The following LRP1 variants were observed in gnomAD, a reference collection of about 807,000 sequenced individuals.
LRP1 encodes the protein LDL receptor related protein 1.
A neutral mutation model predicts 541.5 loss-of-function variants in LRP1; 51 were observed. The ratio of observed to expected loss-of-function variants is 0.09; its 90% CI spans 0.08 to 0.12. The LOEUF (loss-of-function observed/expected upper bound fraction) is 0.12. Ranked by LOEUF, LRP1 falls within the 10% of genes least tolerant of loss-of-function variation. LRP1 has a pLI of 1.00. For synonymous variants in LRP1, 2,219 were observed against 2,470.8 expected (o/e 0.90, Z 3.02); for missense variants, 3,878 against 6,376.2 (o/e 0.61, Z 13.34).
At chr12:57,166,809 A>T in intron 17 of LRP1, 121 bp from the exon 18 acceptor site, 1 of 687,502 alleles carries the variant, frequency 1.5e-6, no homozygotes, top group Non-Finnish European at 2.6e-6. Flanking sequence ...TGAATTCTCT[A>T]AGAGAAATGG....
chr12:57,149,684 G>A (rs1301366186), intron 6 of LRP1: 1 of 734,024 alleles, frequency 1.4e-6, no homozygotes, highest in South Asian at 1.4e-5. Context: ...TCACAGGCAG[G>A]AGCAGGAAGA....
chr12:57,206,742 G>A lies in LRP1; in HGVS notation c.11859+1G>A, dbSNP rs1342778687. 1 of 1,610,678 alleles carries A rather than the reference G, an allele frequency of 6.2e-7. No individual in the cohort carries two copies. Among genetic ancestry groups the A allele is most frequent in the Non-Finnish European group, 8.5e-7 (1 of 1,179,724 alleles). ...TGACCGGGGTGTCACCCACCTCAAC[G>A]TGAGTGCCCAACCTGGCGTGGATGG... On this transcript the variant is annotated splice_donor_variant, in intron 76 of 88. Coordinates refer to ENST00000243077, the MANE Select transcript of LRP1 (RefSeq NM_002332.3). LOFTEE classifies it high-confidence loss of function. This position sits in a 1 kb window ranked among gnomAD's most constrained non-coding sequence, Gnocchi z 4.7.
At chr12:57,191,602 A>G (rs1020296958) in intron 44 of LRP1, 90 bp downstream of exon 44, 94 of 1,173,838 alleles carry the variant, frequency 8.0e-5, no homozygotes, top group Non-Finnish European at 1.1e-4. Context: ...CGCACATACC[A>G]CACGCACCCT....
intron 43 of LRP1, 104 bp downstream of exon 43, chr12:57,191,113 T>A: frequency 7.8e-7 from 1 of 1,289,524 alleles, no homozygotes; most frequent in South Asian, 1.3e-5. Flanking sequence ...TGGGAACAGC[T>A]GGGAGGAGGT....
Position 57,154,929 on chromosome 12 carries a change from T to C in LRP1, c.1227+228T>C, listed in dbSNP as rs2035591990. ...TTTTAGAAACACCACTTCTGTTTAC[T>C]TCCTGTTTCTCATTTGACCCTTATA... On this transcript the variant is annotated intron_variant, in intron 8 of 88. Coordinates refer to ENST00000243077, the MANE Select transcript of LRP1 (RefSeq NM_002332.3). This position sits in a 1 kb window ranked among gnomAD's most constrained non-coding sequence, Gnocchi z 4.6. The C allele has an allele frequency of 3.3e-5, 20 of 604,528 alleles. No individual in the cohort carries two copies. In the South Asian group the frequency reaches 3.9e-4, roughly 12 times the overall value. The allele number at this position is 604,528 out of a possible 1,614,324, so 37.4% of individuals were successfully genotyped here.
At chr12:57,191,883 C>A (rs1265281783) in intron 44 of LRP1, among the ~76,000 whole-genome samples, 1 of 9,378 alleles carries the variant, frequency 1.1e-4, no homozygotes, top group East Asian at 2.7e-3. Context: ...ATACCACACA[C>A]ACCCCACACA....
Position 57,196,080 on chromosome 12 carries a change from T to G in LRP1, c.8702-7T>G. On this transcript the variant is annotated splice_polypyrimidine_tract_variant and splice_region_variant and intron_variant, in intron 54 of 88. Coordinates refer to ENST00000243077, the MANE Select transcript of LRP1 (RefSeq NM_002332.3). ...CCCGCTGACCTGCCGCCTCCGCCCC[T>G]CCGCAGAGCACAAGTGCAATGCCTC... 1 of 1,609,078 alleles carries G rather than the reference T, an allele frequency of 6.2e-7. No homozygotes were observed. Among genetic ancestry groups the G allele is most frequent in the South Asian group, 1.1e-5 (1 of 90,890 alleles).
rs755987592 is a variant in LRP1, at chr12:57,162,492, G to A, written c.2378G>A (p.Arg793Gln). ...GAGCGGCCCCCCATCTTTGAGATCC[G>A]AATGTATGATGCCCAGCAGCAGCAA... ...RSERPPIFEI[R>Q]MYDAQQQQVG... is the part of the protein sequence containing the mutation. The change falls in exon 14 of 89, where the codon CGA becomes CAA. Residue 793 changes from arginine to glutamine, a missense_variant. Physicochemically the swap from Arg to Gln is conservative, Grantham distance 43. Coordinates refer to ENST00000243077, the MANE Select transcript of LRP1 (RefSeq NM_002332.3). The surrounding 1 kb of genome is among the most constrained non-coding windows in gnomAD (Gnocchi z 5.2). 14 of 1,613,872 alleles carry A rather than the reference G, an allele frequency of 8.7e-6. No homozygotes were observed. The African/African-American group carries it at 1.1e-4, about 12-fold the overall frequency.
chr12:57,180,859 G>A lies in LRP1; in HGVS notation c.5527+52G>A, dbSNP rs148210020. On this transcript the variant is annotated intron_variant, in intron 33 of 88. Transcript: ENST00000243077. Reference sequence around the variant, plus strand: ...GGGGCTCAGGGGCAACAGGGGAGCCGTCCAGAGCTGCAGGCTGCAGGGCCA... The same window carrying A: ...GGGGCTCAGGGGCAACAGGGGAGCCATCCAGAGCTGCAGGCTGCAGGGCCA... 493 of 1,604,692 alleles carry A rather than the reference G, an allele frequency of 3.1e-4. 5 individuals carry two copies. The East Asian group carries it at 9.3e-3, about 30-fold the overall frequency.
rs548361641 is a variant in LRP1, at chr12:57,134,344, C to T, written c.68-4115C>T. 4.0e-4 allele frequency among the ~76,000 whole-genome samples: 61 copies of T among 152,314 alleles called. No individual in the cohort carries two copies. The South Asian group carries it at 0.013, about 32-fold the overall frequency. ...CTCTCTGTCTCCCCTATGCCCTTCC[C>T]TCCTCTCTGAGGAGCCCTGAAGGCC... On this transcript the variant is annotated intron_variant, in intron 1 of 88. Coordinates refer to ENST00000243077, the MANE Select transcript of LRP1 (RefSeq NM_002332.3).
chr12:57,194,137 T>A, intron 48 of LRP1, 125 bp downstream of exon 48: 1 of 1,026,966 alleles, frequency 9.7e-7, no homozygotes, highest in Non-Finnish European at 1.4e-6. Flanking sequence ...GCTGACAGCC[T>A]CCATCTCCCT....
chr12:57,187,820 A>C (rs1163184809), intron 42 of LRP1, among the ~76,000 whole-genome samples: 1 of 152,198 alleles, frequency 6.6e-6, no homozygotes, highest in African/African-American at 2.4e-5. Flanking sequence ...TTCGTACAGA[A>C]GCCTAAGGCT....
chr12:57,158,014 G>A lies in LRP1; in HGVS notation c.1562-388G>A, dbSNP rs929089219. Among the ~76,000 whole-genome samples the A allele has an allele frequency of 1.3e-5, 2 of 152,224 alleles. No homozygotes were observed. The highest frequency in any genetic ancestry group is 1.9e-4 in the East Asian group (1 of 5,206). ...TAGGGAAGTAGCCAGAAGACTTTCA[G>A]TGTAGTGGGCAAGAAGTGATGTGGT... On this transcript the variant is annotated intron_variant, in intron 10 of 88. Transcript: ENST00000243077. The surrounding 1 kb of genome is among the most constrained non-coding windows in gnomAD (Gnocchi z 5.3).
chr12:57,166,438 C>G (rs2035841699), intron 17 of LRP1: 3 of 510,096 alleles, frequency 5.9e-6, no homozygotes, highest in African/African-American at 3.9e-5. Flanking sequence ...GCGTGCACCT[C>G]TAGTCCCAGC....
At chr12:57,160,187 CAT>C (rs1565725318) in intron 12 of LRP1, among the ~76,000 whole-genome samples, 182 bp downstream of exon 12, 1 of 152,100 alleles carries the variant, frequency 6.6e-6, no homozygotes, top group African/African-American at 2.4e-5. Flanking sequence ...ATTCCTTAAA[CAT>C]AGAAGAAATC....
At position 57,205,663 on chromosome 12, in the gene LRP1, C is replaced by A. The variant is rs773035554; in HGVS notation, c.11576C>A (p.Thr3859Asn). 2 of 1,611,830 alleles carry A rather than the reference C, an allele frequency of 1.2e-6. No individual in the cohort carries two copies. Among genetic ancestry groups the A allele is most frequent in the Admixed American group, 1.7e-5 (1 of 60,030 alleles). The stretch of plus-strand genomic sequence containing the variant: ...CGGAACTTCATGAAGACGCACAACA[C>A]CTGCAAGGCCGAAGGTGCCGGAGCC... The part of the protein sequence containing the change: ...CARNFMKTHN[T>N]CKAEGSEYQV... The change falls in exon 75 of 89, where the codon ACC becomes AAC. Residue 3859 changes from threonine to asparagine, a missense_variant. Coordinates refer to ENST00000243077, the MANE Select transcript of LRP1 (RefSeq NM_002332.3). This position sits in a 1 kb window ranked among gnomAD's most constrained non-coding sequence, Gnocchi z 4.6.
rs2036080968 is a variant in LRP1 at position 57,177,900 on chromosome 12, A to T, written c.4361+309A>T. 6.6e-6 allele frequency among the ~76,000 whole-genome samples: 1 copy of T among 150,914 alleles called. No individual in the cohort carries two copies. Among genetic ancestry groups the T allele is most frequent in the African/African-American group, 2.4e-5 (1 of 40,956 alleles). ...GGCTGTGTCTGCCCAGAGGGAGGGG[A>T]AACTTCTTTCTAATTGGTCTGCCCA... On this transcript the variant is annotated intron_variant, in intron 26 of 88. Transcript: ENST00000243077. The surrounding 1 kb of genome is among the most constrained non-coding windows in gnomAD (Gnocchi z 6.8).
At chr12:57,136,293 C>G (rs902510358) in intron 1 of LRP1, among the ~76,000 whole-genome samples, 3 of 150,916 alleles carry the variant, frequency 2.0e-5, no homozygotes, top group Non-Finnish European at 4.4e-5. Flanking sequence ...TGAACTCGGT[C>G]ATTTTGGCCA....
chr12:57,188,087 C>T (rs2036303424), intron 42 of LRP1, among the ~76,000 whole-genome samples: 1 of 152,122 alleles, frequency 6.6e-6, no homozygotes, highest in South Asian at 2.1e-4. Flanking sequence ...AGGCCTGAGC[C>T]CAGCCAGGAA....
Sources: allele counts gnomAD v4.1 joint callset (sites outside exome capture counted in the v4.1 genomes callset), GRCh38; gene constraint gnomAD v4.1.1; non-coding constraint Gnocchi (gnomAD v3.1); transcripts MANE v1.5; gene names NCBI Gene and HGNC (gene_info 2026-07-23, HGNC 2026-07-21).